Variants in FHOD3 observed in about 807,000 individuals in gnomAD.
FHOD3 encodes FH1/FH2 domain-containing protein 3.
In FHOD3, 90 loss-of-function variants were observed where a neutral mutation model predicts 173.0. The ratio of observed to expected loss-of-function variants is 0.52; its 90% confidence interval spans 0.44 to 0.62. The LOEUF is 0.62. FHOD3 is among the 20% of genes least tolerant of loss of function. The pLI is 0.00. For synonymous variants in FHOD3, 828 were observed against 823.0 expected (o/e 1.01, Z -0.10); for missense variants, 1,945 against 2,034.7 (o/e 0.96, Z 0.85).
intron 5 of FHOD3, among the ~76,000 whole-genome samples, chr18:36,570,536 A>G (rs947380861): frequency 3.3e-5 from 5 of 152,170 alleles, no homozygotes; most frequent in Non-Finnish European, 5.9e-5. Flanking sequence ...ACACTTCCCA[A>G]TTCATTTTAT....
chr18:36,517,032 G>A (rs1226377462), intron 5 of FHOD3, among the ~76,000 whole-genome samples: 1 of 151,998 alleles, frequency 6.6e-6, no homozygotes, highest in Non-Finnish European at 1.5e-5. Context: ...TTTCCTTTGA[G>A]GATGTGTCTG....
chr18:36,520,653 G>A (rs954399629), intron 5 of FHOD3, among the ~76,000 whole-genome samples: 3 of 152,160 alleles, frequency 2.0e-5, no homozygotes, highest in African/African-American at 7.2e-5. Context: ...TCATGCCTCC[G>A]AGTGCTTCAG....
intron 3 of FHOD3, among the ~76,000 whole-genome samples, chr18:36,490,846 C>A (rs2054429945): frequency 6.6e-6 from 1 of 152,210 alleles, no homozygotes; most frequent in Non-Finnish European, 1.5e-5. Context: ...CTGAAGGTAA[C>A]AAAGAAGCAT....
At chr18:36,313,965 C>T (rs562195754) in intron 1 of FHOD3, among the ~76,000 whole-genome samples, 32 of 152,040 alleles carry the variant, frequency 2.1e-4, no homozygotes, top group African/African-American at 7.5e-4. Context: ...TCACTGCAGC[C>T]TCGACCTCCT....
chr18:36,300,014 G>A (rs752363909), intron 1 of FHOD3, among the ~76,000 whole-genome samples: 1 of 152,170 alleles, frequency 6.6e-6, no homozygotes, highest in African/African-American at 2.4e-5. Flanking sequence ...CTTAAAATTG[G>A]ATGATCCACC....
chr18:36,545,580 CTT>C (rs1431934959), intron 5 of FHOD3, among the ~76,000 whole-genome samples: 2 of 152,276 alleles, frequency 1.3e-5, no homozygotes, highest in South Asian at 4.1e-4. Flanking sequence ...TATCATGAAA[CTT>C]TTTAAGTTCT....
intron 3 of FHOD3, among the ~76,000 whole-genome samples, chr18:36,444,618 G>C (rs1008965796): frequency 6.6e-6 from 1 of 151,700 alleles, no homozygotes; most frequent in African/African-American, 2.4e-5. Flanking sequence ...TTATCATTCT[G>C]TTATTTCTTA....
At chr18:36,347,626 T>G (rs2045934929) in intron 1 of FHOD3, among the ~76,000 whole-genome samples, 1 of 152,248 alleles carries the variant, frequency 6.6e-6, no homozygotes, top group African/African-American at 2.4e-5. Context: ...TGCTGGATCA[T>G]CAAAGATATC....
intron 1 of FHOD3, among the ~76,000 whole-genome samples, chr18:36,324,421 C>A (rs905209626): frequency 6.6e-6 from 1 of 152,078 alleles, no homozygotes; most frequent in African/African-American, 2.4e-5. Flanking sequence ...TCAAAAGATA[C>A]CCTTATGAGT....
intron 10 of FHOD3, among the ~76,000 whole-genome samples, chr18:36,627,975 G>T (rs11662665): frequency 0.096 from 14,580 of 152,186 alleles, 939 homozygotes; most frequent in Non-Finnish European, 0.14. Context: ...CCTAACGCTA[G>T]CTTATAGCAA....
At chr18:36,384,288 G>T (rs1568201138) in intron 3 of FHOD3, among the ~76,000 whole-genome samples, 1 of 152,082 alleles carries the variant, frequency 6.6e-6, no homozygotes, top group Non-Finnish European at 1.5e-5. Context: ...GCTGAGGCAG[G>T]AGAATGGTGT....
intron 13 of FHOD3, among the ~76,000 whole-genome samples, chr18:36,657,409 C>T (rs145202366): frequency 9.5e-4 from 144 of 152,326 alleles, no homozygotes; most frequent in African/African-American, 3.3e-3. Context: ...TAGAATTTTA[C>T]AGATCTTGAA....
At chr18:36,517,072 T>C (rs374684675) in intron 5 of FHOD3, among the ~76,000 whole-genome samples, 15 of 152,126 alleles carry the variant, frequency 9.9e-5, no homozygotes, top group African/African-American at 3.4e-4. Context: ...TTAGTTACAG[T>C]GTAGGCAAGT....
intron 3 of FHOD3, among the ~76,000 whole-genome samples, chr18:36,438,131 G>C (rs1256630364): frequency 1.3e-5 from 2 of 152,164 alleles, no homozygotes; most frequent in Non-Finnish European, 2.9e-5. Flanking sequence ...GCTCCACAGA[G>C]AAAACTTGAC....
chr18:36,560,593 T>C (rs1216004803), intron 5 of FHOD3, among the ~76,000 whole-genome samples: 2 of 152,202 alleles, frequency 1.3e-5, no homozygotes, highest in African/African-American at 4.8e-5. Flanking sequence ...TCCTGCCAGA[T>C]GGGCCTAGCA....
chr18:36,602,648 T>C (rs775833265), intron 7 of FHOD3, 26 bp from the exon 8 acceptor site: 1 of 1,512,194 alleles, frequency 6.6e-7, no homozygotes, highest in Non-Finnish European at 9.2e-7. Context: ...AATTGCTGTT[T>C]CTAATGATTT....
chr18:36,568,381 G>A (rs1238287065), intron 5 of FHOD3, among the ~76,000 whole-genome samples: 1 of 126,092 alleles, frequency 7.9e-6, no homozygotes, highest in Non-Finnish European at 1.6e-5. Context: ...GGTGGAGGGA[G>A]CCTCAGGGAA....
At chr18:36,775,266 C>A (rs961265885) in intron 28 of FHOD3, among the ~76,000 whole-genome samples, 2 of 152,160 alleles carry the variant, frequency 1.3e-5, no homozygotes, top group African/African-American at 4.8e-5. Context: ...TGCAAAAAAA[C>A]CCCGAAATAA....
chr18:36,761,144 T>C (rs915560757), intron 27 of FHOD3, among the ~76,000 whole-genome samples: 19 of 152,330 alleles, frequency 1.2e-4, no homozygotes, highest in Admixed American at 4.6e-4. Flanking sequence ...GTGTAGTGTC[T>C]GTGGCTACTT....
Sources: allele counts gnomAD v4.1 joint callset (sites outside exome capture counted in the v4.1 genomes callset), GRCh38; gene constraint gnomAD v4.1.1; transcripts MANE v1.5; gene names NCBI Gene and HGNC (gene_info 2026-07-23, HGNC 2026-07-21).